The following ZNF675 variants were observed in gnomAD, a reference collection of about 807,000 sequenced individuals.
The protein encoded by ZNF675 is zinc finger protein 675, also known as TRAF6 inhibitory zinc finger.
Under a neutral mutation model 56.1 loss-of-function variants are expected in ZNF675, and 36 were observed. The observed-to-expected ratio is 0.64, with a 90% CI of 0.49 to 0.85. ZNF675 has a LOEUF of 0.85. Among genes scored for constraint, ZNF675 ranks in the 40% least tolerant of loss-of-function variants. ZNF675 has a pLI of 0.00. For missense variants in ZNF675, 663 were observed against 654.2 expected, an observed-to-expected ratio of 1.01 and a Z score of -0.15; for synonymous variants, 200 against 218.9, an observed-to-expected ratio of 0.91 and a Z score of 0.76.
At position 23,653,696 on chromosome 19, in the gene ZNF675, T is replaced by G. The variant is rs1408049251; in HGVS notation, c.1237A>C (p.Thr413Pro). ...TCTCCAGTGTGAATTCTCTTATGTG[T>G]AGTAAGGGCTGAGGAGTGTTTAAAA... ...KAFKHSSALT[T>P]HKRIHTGEKP... Residue 413 changes from threonine (T) to proline (P), a missense_variant, in exon 4 of 4, where the codon ACA becomes CCA. Physicochemically the swap from Thr to Pro is conservative, Grantham distance 38. Coordinates refer to ENST00000359788, the MANE Select transcript of ZNF675 (RefSeq NM_138330.3). 6.2e-7 allele frequency: 1 copy of G among 1,613,336 alleles called. No individual in the cohort carries two copies.
At position 23,667,549 on chromosome 19, in the gene ZNF675, C is replaced by T. The variant is rs544064526; in HGVS notation, c.4-4391G>A. ...AGCAGATTAGTTACATACAGAGTAT[C>T]GACACAAAGGTTCTCCAAGGCCCCA... On this transcript the variant is annotated intron_variant, in intron 1 of 3. Coordinates refer to ENST00000359788, the MANE Select transcript of ZNF675 (RefSeq NM_138330.3). Among the ~76,000 whole-genome samples the T allele has an allele frequency of 3.6e-3, 552 of 152,080 alleles. 3 individuals carry two copies. Among genetic ancestry groups the T allele is most frequent in the African/African-American group, 0.012 (518 of 41,464 alleles).
At chr19:23,673,484 C>G (rs1968251486) in intron 1 of ZNF675, among the ~76,000 whole-genome samples, 1 of 152,134 alleles carries the variant, frequency 6.6e-6, no homozygotes, top group Non-Finnish European at 1.5e-5. Context: ...CTATCAATAC[C>G]AAATAGGAGA....
intron 1 of ZNF675, among the ~76,000 whole-genome samples, chr19:23,672,688 T>G (rs1027613965): frequency 6.6e-6 from 1 of 152,206 alleles, no homozygotes; most frequent in Non-Finnish European, 1.5e-5. Context: ...CAGAGGCTGC[T>G]CTAGCTCATT....
intron 1 of ZNF675, among the ~76,000 whole-genome samples, chr19:23,673,648 G>A (rs1259148715): frequency 1.2e-4 from 19 of 152,076 alleles, no homozygotes; most frequent in Non-Finnish European, 2.2e-4. Flanking sequence ...CAGTGTTTGG[G>A]AAATATCATT....
intron 1 of ZNF675, among the ~76,000 whole-genome samples, chr19:23,670,853 A>C (rs1232585586): frequency 6.6e-6 from 1 of 152,134 alleles, no homozygotes; most frequent in Non-Finnish European, 1.5e-5. Context: ...CCTTCAGAAA[A>C]AGAACAAATC....
At chr19:23,673,467 T>C (rs1459806850) in intron 1 of ZNF675, among the ~76,000 whole-genome samples, 2 of 152,178 alleles carry the variant, frequency 1.3e-5, no homozygotes, top group Non-Finnish European at 1.5e-5. Context: ...GAAGTGACTG[T>C]AGAGGACTAT....
intron 1 of ZNF675, among the ~76,000 whole-genome samples, chr19:23,665,046 T>C (rs1306677257): frequency 6.6e-6 from 1 of 151,370 alleles, no homozygotes; most frequent in African/African-American, 2.4e-5. Flanking sequence ...GGCCATGTAA[T>C]CTTAATTAGA....
intron 3 of ZNF675, chr19:23,655,236 CAA>C (rs66775732): frequency 2.3e-4 from 24 of 105,660 alleles, no homozygotes; most frequent in Admixed American, 4.1e-4. Flanking sequence ...GACTCTGTCT[CAA>C]AAAAAAAAAA....
intron 3 of ZNF675, among the ~76,000 whole-genome samples, chr19:23,658,966 TAG>T (rs1239680036): frequency 2.1e-4 from 29 of 138,136 alleles, no homozygotes; most frequent in African/African-American, 4.7e-4. Context: ...GATCTATAGA[TAG>T]ATATAGATCT....
At chr19:23,681,626 C>T (rs1484314521) in intron 1 of ZNF675, among the ~76,000 whole-genome samples, 4 of 151,660 alleles carry the variant, frequency 2.6e-5, no homozygotes, top group African/African-American at 9.8e-5. Flanking sequence ...ATTCTGACAC[C>T]ACCCAGAGTC....
chr19:23,679,166 C>CA lies in ZNF675; in HGVS notation c.3+7864dup, dbSNP rs33936196. 1.1e-3 allele frequency among the ~76,000 whole-genome samples: 113 copies of CA among 99,296 alleles called. 5 individuals are homozygous for CA. The highest frequency in any genetic ancestry group is 8.9e-3 in the East Asian group (32 of 3,580). 65.1% of individuals were successfully genotyped at this position (99,296 alleles called of 152,430 possible). On this transcript the variant is annotated intron_variant, in intron 1 of 3. Coordinates refer to ENST00000359788, the MANE Select transcript of ZNF675 (RefSeq NM_138330.3). Reference sequence around the variant, plus strand: ...TGGGCGACAGAGCGAGACTCCGTCTCAAAAAAAAAAAAAAAAAGAGAACAA... The same window carrying CA: ...TGGGCGACAGAGCGAGACTCCGTCTCAAAAAAAAAAAAAAAAAAGAGAACAA...
intron 1 of ZNF675, among the ~76,000 whole-genome samples, chr19:23,666,815 C>T (rs1968157669): frequency 6.6e-6 from 1 of 151,466 alleles, no homozygotes; most frequent in Non-Finnish European, 1.5e-5. Flanking sequence ...CTCCCCTCCC[C>T]CCAACCCAGG....
At chr19:23,665,701 G>C (rs1968142143) in intron 1 of ZNF675, among the ~76,000 whole-genome samples, 1 of 152,096 alleles carries the variant, frequency 6.6e-6, no homozygotes, top group Non-Finnish European at 1.5e-5. Context: ...GTTTCACCAT[G>C]TCGGTCAGGC....
Position 23,653,349 on chromosome 19 carries a change from T to C in ZNF675, c.1584A>G (p.Ile528Met). Reference protein sequence around the residue: ...SRSSKLTEHKIIHTGEKPYKC... With the variant: ...SRSSKLTEHKMIHTGEKPYKC... ...TATAGGGTTTCTCTCCAGTATGAAT[T>C]ATCTTATGTTCAGTAAGTTTTGAGG... Residue 528 changes from isoleucine to methionine, a missense_variant, in exon 4 of 4, where the codon ATA (isoleucine) becomes ATG (methionine). Physicochemically the swap from Ile to Met is conservative, Grantham distance 10 (BLOSUM62 1). Transcript: ENST00000359788. The C allele has an allele frequency of 1.2e-6, 2 of 1,613,718 alleles. No individual in the cohort carries two copies. Among genetic ancestry groups the C allele is most frequent in the South Asian group, 1.1e-5 (1 of 91,070 alleles).
chr19:23,674,587 G>T (rs1021932026), intron 1 of ZNF675, among the ~76,000 whole-genome samples: 6 of 148,610 alleles, frequency 4.0e-5, no homozygotes, highest in African/African-American at 1.5e-4. Flanking sequence ...AGGTTGCAGT[G>T]AGCCTGGTCG....
chr19:23,686,900 C>G, intron 1 of ZNF675, 131 bp downstream of exon 1: 1 of 1,143,556 alleles, frequency 8.7e-7, no homozygotes, highest in Non-Finnish European at 1.3e-6. Flanking sequence ...CTGAGCCGAG[C>G]TGGGGAAGGA....
At chr19:23,666,298 C>A (rs1968149850) in intron 1 of ZNF675, among the ~76,000 whole-genome samples, 1 of 152,200 alleles carries the variant, frequency 6.6e-6, no homozygotes, top group Non-Finnish European at 1.5e-5. Flanking sequence ...TTCACCTTAG[C>A]CTCTAATTGG....
intron 1 of ZNF675, among the ~76,000 whole-genome samples, chr19:23,672,795 G>A (rs570257740): frequency 6.6e-6 from 1 of 152,280 alleles, no homozygotes; most frequent in East Asian, 1.9e-4. Flanking sequence ...TAACATGAAA[G>A]CAAAGACTCA....
intron 2 of ZNF675, among the ~76,000 whole-genome samples, chr19:23,662,684 G>A (rs547216576): frequency 6.6e-6 from 1 of 152,116 alleles, no homozygotes; most frequent in Non-Finnish European, 1.5e-5. Flanking sequence ...CGGTATATTA[G>A]AAACTGTCTG....
Sources: gnomAD v4.1 joint callset for allele counts (sites outside exome capture counted in the v4.1 genomes callset) on GRCh38, gnomAD v4.1.1 for gene constraint, MANE v1.5 for transcripts, NCBI Gene and HGNC (gene_info 2026-07-23, HGNC 2026-07-21) for gene names.